The following GIGYF2 variants were observed in gnomAD, a reference collection of about 807,000 sequenced individuals.
GIGYF2 encodes GRB10-interacting GYF protein 2.
A neutral mutation model predicts 208.1 loss-of-function variants in GIGYF2; 25 were observed. That is an observed-to-expected ratio of 0.12 (90% CI 0.09 to 0.17). GIGYF2 has a LOEUF of 0.17. GIGYF2 is among the 10% of genes least tolerant of loss of function. GIGYF2 has a pLI of 1.00. For synonymous variants in GIGYF2, 534 were observed against 543.8 expected (o/e 0.98, Z 0.25); for missense variants, 1,302 against 1,579.4 (o/e 0.82, Z 2.98).
At chr2:232,710,843 G>A (rs974691560) in intron 2 of GIGYF2, among the ~76,000 whole-genome samples, 21 of 151,970 alleles carry the variant, frequency 1.4e-4, no homozygotes, top group African/African-American at 4.1e-4. Context: ...GGGATTACAG[G>A]CACCCATTAC....
At chr2:232,715,011 A>G (rs1696614786) in intron 2 of GIGYF2, among the ~76,000 whole-genome samples, 1 of 152,066 alleles carries the variant, frequency 6.6e-6, no homozygotes. Flanking sequence ...TTTAGCTGCC[A>G]CTTTTAAGTG....
chr2:232,816,784 T>A, intron 19 of GIGYF2, 87 bp from the exon 20 acceptor site: 1 of 983,010 alleles, frequency 1.0e-6, no homozygotes, highest in Non-Finnish European at 1.6e-6. Context: ...AGCAGCTGAT[T>A]GAATGAACGA....
intron 2 of GIGYF2, among the ~76,000 whole-genome samples, chr2:232,727,380 C>A (rs1697248479): frequency 6.6e-6 from 1 of 152,214 alleles, no homozygotes; most frequent in African/African-American, 2.4e-5. Context: ...GTGTATGATT[C>A]TTGCTTTATA....
At chr2:232,776,921 C>G (rs1699538402) in intron 8 of GIGYF2, 1 of 153,018 alleles carries the variant, frequency 6.5e-6, no homozygotes, top group Non-Finnish European at 1.5e-5. Context: ...GAGATATTTC[C>G]TTTACTAATC....
intron 8 of GIGYF2, among the ~76,000 whole-genome samples, chr2:232,785,904 A>G (rs1040556478): frequency 6.6e-6 from 1 of 152,222 alleles, no homozygotes; most frequent in African/African-American, 2.4e-5. Context: ...GTTTGTCATT[A>G]TGAGAACTTG....
At chr2:232,752,654 C>T (rs1008842247) in intron 5 of GIGYF2, among the ~76,000 whole-genome samples, 3 of 152,050 alleles carry the variant, frequency 2.0e-5, no homozygotes, top group Non-Finnish European at 4.4e-5. Context: ...CATTCTCCTG[C>T]CTCAGCCTCC....
intron 8 of GIGYF2, among the ~76,000 whole-genome samples, chr2:232,778,038 C>G (rs1699585500): frequency 6.6e-6 from 1 of 152,030 alleles, no homozygotes; most frequent in Non-Finnish European, 1.5e-5. Context: ...CCTCGACCTC[C>G]CAGGCTCAAG....
chr2:232,802,528 A>G (rs1700428213), intron 14 of GIGYF2, among the ~76,000 whole-genome samples: 1 of 152,168 alleles, frequency 6.6e-6, no homozygotes, highest in African/African-American at 2.4e-5. Flanking sequence ...ATGGTATATT[A>G]CATTGATCAA....
At chr2:232,737,754 A>G (rs936765352) in intron 3 of GIGYF2, among the ~76,000 whole-genome samples, 3 of 152,082 alleles carry the variant, frequency 2.0e-5, no homozygotes, top group Admixed American at 6.5e-5. Context: ...TACGGTGTTT[A>G]TTAAGGTCAT....
At chr2:232,771,453 C>G in intron 8 of GIGYF2, 1 of 930,494 alleles carries the variant, frequency 1.1e-6, no homozygotes, top group Non-Finnish European at 1.6e-6. Flanking sequence ...AGCTCATGGA[C>G]TTTCTGCTTT....
In GIGYF2 at chr2:232,762,629, T is replaced by C. The variant is rs1276307421; in HGVS notation, c.532+1193T>C. 2.0e-5 allele frequency among the ~76,000 whole-genome samples: 3 copies of C among 152,194 alleles called. No individual in the cohort carries two copies. The South Asian group carries it at 6.2e-4, about 31-fold the overall frequency. On this transcript the variant is annotated intron_variant, in intron 8 of 28. Transcript: ENST00000373563. ...CTGACTTGCAGATTGTTTTAAAAAC[T>C]AAGTAATTTTAACAGTCAGCTTTGT...
chr2:232,813,701 G>A (rs1020808383), intron 18 of GIGYF2, among the ~76,000 whole-genome samples: 1 of 152,076 alleles, frequency 6.6e-6, no homozygotes, highest in Non-Finnish European at 1.5e-5. Flanking sequence ...TATTGCAGAA[G>A]GATGATTGTC....
chr2:232,778,164 G>A (rs1699591012), intron 8 of GIGYF2, among the ~76,000 whole-genome samples: 1 of 151,860 alleles, frequency 6.6e-6, no homozygotes, highest in Non-Finnish European at 1.5e-5. Context: ...TTGAACTCCT[G>A]GGCTCAAGCT....
chr2:232,737,234 A>G lies in GIGYF2; in HGVS notation c.41+1996A>G, dbSNP rs143991000. On this transcript the variant is annotated intron_variant, in intron 3 of 28. Transcript: ENST00000373563. ...TCAGTGTAGTATTGAGCATCTTTCA[A>G]TAGTATCTTACACATCCTCCTTTTT... Among the ~76,000 whole-genome samples, 541 of 152,284 alleles carry G rather than the reference A, an allele frequency of 3.6e-3. 4 individuals carry two copies. Among genetic ancestry groups the G allele is most frequent in the African/African-American group, 0.013 (522 of 41,550 alleles).
chr2:232,770,728 AT>A (rs59336151), intron 8 of GIGYF2, among the ~76,000 whole-genome samples: 3 of 151,048 alleles, frequency 2.0e-5, no homozygotes, highest in African/African-American at 4.9e-5. Flanking sequence ...CATTTCTCCT[AT>A]TTTTTTTGGC....
intron 8 of GIGYF2, among the ~76,000 whole-genome samples, chr2:232,785,840 T>C (rs896414333): frequency 2.0e-5 from 3 of 152,268 alleles, no homozygotes; most frequent in Non-Finnish European, 4.4e-5. Flanking sequence ...CATTTTCATA[T>C]GCTGTTGTTC....
intron 12 of GIGYF2, among the ~76,000 whole-genome samples, chr2:232,791,838 T>G (rs183266857): frequency 6.6e-6 from 1 of 152,296 alleles, no homozygotes; most frequent in Admixed American, 6.5e-5. Flanking sequence ...AAAATGCCAT[T>G]TTTCTAAAAG....
chr2:232,743,179 A>G (rs1253052256), intron 3 of GIGYF2, among the ~76,000 whole-genome samples: 1 of 152,202 alleles, frequency 6.6e-6, no homozygotes, highest in Non-Finnish European at 1.5e-5. Context: ...TGAACAGTGC[A>G]GGAGCTAGTG....
At chr2:232,770,930 C>T in intron 8 of GIGYF2, 1 of 1,613,686 alleles carries the variant, frequency 6.2e-7, no homozygotes, top group Non-Finnish European at 8.5e-7. Flanking sequence ...AGCATGAGGC[C>T]TAGGAGCATT....
Sources: allele counts gnomAD v4.1 joint callset (sites outside exome capture counted in the v4.1 genomes callset), GRCh38; gene constraint gnomAD v4.1.1; transcripts MANE v1.5; gene names NCBI Gene and HGNC (gene_info 2026-07-23, HGNC 2026-07-21).